The following UBE2E2 variants were observed in gnomAD, a reference collection of about 807,000 sequenced individuals.
UBE2E2 encodes the protein ubiquitin conjugating enzyme E2 E2, also known as ubiquitin-conjugating enzyme E2 E2.
In UBE2E2, 6 loss-of-function variants were observed where a neutral mutation model predicts 24.7. The ratio of observed to expected loss-of-function variants is 0.24; its 90% CI spans 0.13 to 0.48. The LOEUF (loss-of-function observed/expected upper bound fraction) is 0.48, where lower values mean the gene tolerates loss of function less well. Ranked by LOEUF, UBE2E2 falls within the 20% of genes least tolerant of loss-of-function variation. The pLI is 0.99. For synonymous variants in UBE2E2, 104 were observed against 83.6 expected (o/e 1.24, Z -1.33); for missense variants, 169 against 245.0 (o/e 0.69, Z 2.07).
chr3:23,307,305 C>T (rs1240706900), intron 3 of UBE2E2, among the ~76,000 whole-genome samples: 15 of 152,048 alleles, frequency 9.9e-5, no homozygotes, highest in African/African-American at 3.1e-4. Context: ...TTTTTTCTGA[C>T]GCTTTCAGGT....
At chr3:23,258,781 T>C (rs1271775850) in intron 3 of UBE2E2, among the ~76,000 whole-genome samples, 2 of 151,060 alleles carry the variant, frequency 1.3e-5, no homozygotes, top group South Asian at 2.1e-4. Context: ...TAGTCCCAGC[T>C]ACTCGGGAGG....
intron 5 of UBE2E2, among the ~76,000 whole-genome samples, chr3:23,567,244 A>T (rs1370721335): frequency 6.6e-6 from 1 of 152,202 alleles, no homozygotes; most frequent in African/African-American, 2.4e-5. Flanking sequence ...AGAGGGATAT[A>T]GTAAGAGTTT....
At chr3:23,309,814 G>A (rs1238091159) in intron 3 of UBE2E2, among the ~76,000 whole-genome samples, 1 of 152,104 alleles carries the variant, frequency 6.6e-6, no homozygotes, top group Non-Finnish European at 1.5e-5. Context: ...GTTTTTGGCA[G>A]GAGGTCTCAT....
intron 5 of UBE2E2, among the ~76,000 whole-genome samples, chr3:23,582,778 G>C (rs1696513490): frequency 6.6e-6 from 1 of 151,654 alleles, no homozygotes; most frequent in Non-Finnish European, 1.5e-5. Context: ...GTTCCATGTA[G>C]ACTCTGGATA....
intron 3 of UBE2E2, among the ~76,000 whole-genome samples, chr3:23,247,632 G>A (rs1328721760): frequency 6.6e-6 from 1 of 152,194 alleles, no homozygotes; most frequent in Non-Finnish European, 1.5e-5. Context: ...GGGATTACAG[G>A]TGTGAGGTAT....
chr3:23,440,875 G>A (rs1041565703), intron 3 of UBE2E2, among the ~76,000 whole-genome samples: 2 of 152,046 alleles, frequency 1.3e-5, no homozygotes, highest in African/African-American at 4.8e-5. Flanking sequence ...ACTGGTTCTT[G>A]TTACGGCAAT....
intron 3 of UBE2E2, among the ~76,000 whole-genome samples, chr3:23,375,011 G>A (rs1161073832): frequency 2.0e-5 from 3 of 151,848 alleles, no homozygotes; most frequent in Admixed American, 6.6e-5. Context: ...GGAGAGTTAT[G>A]TTATTCTATA....
At chr3:23,421,688 G>C (rs941497283) in intron 3 of UBE2E2, among the ~76,000 whole-genome samples, 1 of 152,220 alleles carries the variant, frequency 6.6e-6, no homozygotes, top group Admixed American at 6.5e-5. Context: ...TTACAGACGT[G>C]AGCCACCATA....
intron 3 of UBE2E2, among the ~76,000 whole-genome samples, chr3:23,294,252 A>T (rs954258879): frequency 9.9e-5 from 15 of 152,218 alleles, no homozygotes; most frequent in Admixed American, 8.5e-4. Flanking sequence ...ATAAAAAGCA[A>T]TTCTCACCTA....
chr3:23,344,918 AG>A (rs1490170897), intron 3 of UBE2E2, among the ~76,000 whole-genome samples: 1 of 151,710 alleles, frequency 6.6e-6, no homozygotes, highest in Non-Finnish European at 1.5e-5. Context: ...TTTTTGAAAA[AG>A]AAGTTTTATG....
rs187767832 is a variant in UBE2E2, at chr3:23,501,526, G to A, written c.360+1786G>A. ...GAATCTACTGAAGTCTGACTCCAGG[G>A]GCCATGTACTTTCCACTGAATTATA... is the stretch of plus-strand genomic sequence containing the variant. On this transcript the variant is annotated intron_variant, in intron 4 of 5. Coordinates refer to ENST00000396703, the MANE Select transcript of UBE2E2 (RefSeq NM_152653.4). Among the ~76,000 whole-genome samples, 243 of 152,200 alleles carry A rather than the reference G, an allele frequency of 1.6e-3. 1 individual carries two copies. The highest frequency in any genetic ancestry group is 4.8e-3 in the South Asian group (23 of 4,824).
At chr3:23,348,006 TAAA>T (rs200603091) in intron 3 of UBE2E2, among the ~76,000 whole-genome samples, 2 of 151,672 alleles carry the variant, frequency 1.3e-5, no homozygotes, top group South Asian at 4.2e-4. Flanking sequence ...TAAAGTATAA[TAAA>T]AAAAAGAAGG....
intron 3 of UBE2E2, among the ~76,000 whole-genome samples, chr3:23,281,441 G>T (rs1024547052): frequency 1.3e-5 from 2 of 152,184 alleles, no homozygotes; most frequent in African/African-American, 4.8e-5. Context: ...GACCAGCCTG[G>T]GCAGCAAAGC....
intron 3 of UBE2E2, among the ~76,000 whole-genome samples, chr3:23,467,973 G>A (rs1391801641): frequency 1.3e-5 from 2 of 152,110 alleles, no homozygotes; most frequent in Non-Finnish European, 2.9e-5. Flanking sequence ...CAGGAAGGGG[G>A]AAGTCTGCCC....
intron 3 of UBE2E2, among the ~76,000 whole-genome samples, chr3:23,236,264 G>T (rs1421015888): frequency 6.6e-6 from 1 of 152,028 alleles, no homozygotes; most frequent in African/African-American, 2.4e-5. Context: ...TTTCTTCACC[G>T]GGAAAGTAAT....
chr3:23,564,407 T>C lies in UBE2E2; in HGVS notation c.509-25327T>C, dbSNP rs368329787. 3.3e-5 allele frequency among the ~76,000 whole-genome samples: 5 copies of C among 152,148 alleles called. No individual in the cohort carries two copies. In the East Asian group the frequency reaches 5.8e-4, roughly 18 times the overall value. ...TATAAGGCTGCTATAAAAAGAACTA[T>C]TTTAGAATTTAAATATGGCTGTATA... On this transcript the variant is annotated intron_variant, in intron 5 of 5. Transcript: ENST00000396703.
intron 3 of UBE2E2, among the ~76,000 whole-genome samples, chr3:23,385,566 TCA>T (rs1158629176): frequency 6.6e-6 from 1 of 152,220 alleles, no homozygotes; most frequent in Admixed American, 6.5e-5. Flanking sequence ...CAGGTGTATC[TCA>T]CAGCTGATGC....
chr3:23,522,575 CT>C (rs997696960), intron 4 of UBE2E2, among the ~76,000 whole-genome samples: 18 of 152,014 alleles, frequency 1.2e-4, no homozygotes, highest in Admixed American at 1.2e-3. Context: ...AACCCCTCCA[CT>C]TTTTTTTAAC....
intron 3 of UBE2E2, among the ~76,000 whole-genome samples, chr3:23,293,296 T>C (rs988083636): frequency 3.9e-5 from 6 of 152,192 alleles, no homozygotes; most frequent in African/African-American, 1.4e-4. Context: ...GATTCTTACA[T>C]TTAATACATG....
Sources: gnomAD v4.1 joint callset for allele counts (sites outside exome capture counted in the v4.1 genomes callset) on GRCh38, gnomAD v4.1.1 for gene constraint, MANE v1.5 for transcripts, NCBI Gene and HGNC (gene_info 2026-07-23, HGNC 2026-07-21) for gene names.